The following LRP1B variants were observed in gnomAD, a reference collection of about 807,000 sequenced individuals.
LRP1B encodes low-density lipoprotein receptor-related protein 1B.
In LRP1B, 217 loss-of-function variants were observed where a neutral mutation model predicts 556.6. The ratio of observed to expected loss-of-function variants is 0.39; its 90% CI spans 0.35 to 0.44. The LOEUF (loss-of-function observed/expected upper bound fraction) is 0.44, where lower values mean the gene tolerates loss of function less well. Ranked by LOEUF, LRP1B falls within the 20% of genes least tolerant of loss-of-function variation. The pLI is 1.00. For synonymous variants in LRP1B, 2,047 were observed against 1,865.8 expected, an observed-to-expected ratio of 1.10 and a Z score of -2.50; for missense variants, 5,053 against 5,620.8, an observed-to-expected ratio of 0.90 and a Z score of 3.23.
Position 141,480,502 on chromosome 2 carries a change from C to A in LRP1B, c.237G>T (p.Leu79Phe), listed in dbSNP as rs1682878077. 6.2e-7 allele frequency: 1 copy of A among 1,613,824 alleles called. No homozygotes were observed. The highest frequency in any genetic ancestry group is 8.5e-7 in the Non-Finnish European group (1 of 1,179,930). The change falls in exon 3 of 91, where the codon TTG becomes TTT. Residue 79 changes from leucine to phenylalanine, a missense_variant. Leu to Phe is a conservative substitution (Grantham distance 22). This residue lies in a region of LRP1B where 3,619 missense variants were observed against 3,931.9 expected (regional missense o/e 0.92). Transcript: ENST00000389484. ...CPEEVEIKCP[L>F]NHIACLGTNK... The stretch of plus-strand genomic sequence containing the variant: ...TGGTACCAAGGCAAGCAATGTGATT[C>A]AAGGGGCACTTGATTTCTACCTCCT...
At chr2:141,228,594 T>TGTGC (rs1683344461) in intron 6 of LRP1B, among the ~76,000 whole-genome samples, 1 of 151,464 alleles carries the variant, frequency 6.6e-6, no homozygotes, top group Admixed American at 6.6e-5. Flanking sequence ...TGTGTGTGTG[T>TGTGC]GTGTGTGTGT....
rs2105182938 is a variant in LRP1B, at chr2:140,378,226, C to G, written c.10592G>C (p.Arg3531Thr). The G allele has an allele frequency of 6.2e-7, 1 of 1,613,800 alleles. No homozygotes were observed. Among genetic ancestry groups the G allele is most frequent in the Non-Finnish European group, 8.5e-7 (1 of 1,179,796 alleles). Residue 3531 changes from arginine to threonine, a missense_variant, in exon 68 of 91, where the codon AGG becomes ACG. Transcript: ENST00000389484. ...GTCAAAATCTCCATCACACCAAAACCTTGAAGAAACACAGTCCCCATTGGC... is the reference window on the plus strand; with the variant it reads ...GTCAAAATCTCCATCACACCAAAACGTTGAAGAAACACAGTCCCCATTGGC... ...LCANGDCVSS[R>T]FWCDGDFDCA...
intron 3 of LRP1B, among the ~76,000 whole-genome samples, chr2:141,463,582 T>TATATATTA (rs1405204222): frequency 2.6e-5 from 2 of 78,358 alleles, no homozygotes; most frequent in African/African-American, 1.1e-4. Context: ...TTATATATAA[T>TATATATTA]TATATATAAT....
chr2:141,716,248 A>G (rs1233513713), intron 2 of LRP1B, among the ~76,000 whole-genome samples: 1 of 152,238 alleles, frequency 6.6e-6, no homozygotes, highest in African/African-American at 2.4e-5. Flanking sequence ...TATAAAGGGC[A>G]TTAGAAACAC....
At chr2:141,923,677 T>G (rs1352116814) in intron 1 of LRP1B, among the ~76,000 whole-genome samples, 1 of 151,336 alleles carries the variant, frequency 6.6e-6, no homozygotes, top group Non-Finnish European at 1.5e-5. Context: ...AATTCATGAG[T>G]TAAGATCTCC....
intron 1 of LRP1B, among the ~76,000 whole-genome samples, chr2:141,857,188 T>C (rs1698080827): frequency 6.6e-6 from 1 of 152,144 alleles, no homozygotes; most frequent in South Asian, 2.1e-4. Flanking sequence ...AAAGTCAACC[T>C]TCATTATTTC....
At chr2:141,413,318 AC>A (rs1690925957) in intron 3 of LRP1B, among the ~76,000 whole-genome samples, 1 of 152,140 alleles carries the variant, frequency 6.6e-6, no homozygotes, top group South Asian at 2.1e-4. Context: ...GGAGAACATT[AC>A]CTAGCTGTGG....
intron 11 of LRP1B, among the ~76,000 whole-genome samples, chr2:141,045,119 G>A (rs10192832): frequency 0.79 from 106,494 of 134,430 alleles, 43,306 homozygotes; most frequent in East Asian, 0.91. Context: ...TGTCCTTTGT[G>A]GGGACATGGA....
intron 20 of LRP1B, among the ~76,000 whole-genome samples, chr2:140,947,816 T>C (rs902136007): frequency 1.3e-5 from 2 of 152,192 alleles, no homozygotes; most frequent in African/African-American, 4.8e-5. Context: ...TACAAATTAG[T>C]TCAAGAACTC....
At chr2:140,856,554 T>C (rs886768553) in intron 27 of LRP1B, among the ~76,000 whole-genome samples, 1 of 152,152 alleles carries the variant, frequency 6.6e-6, no homozygotes, top group Non-Finnish European at 1.5e-5. Flanking sequence ...ATGTTCTCCA[T>C]AGTAATTATT....
At chr2:141,204,077 C>T (rs993851326) in intron 6 of LRP1B, among the ~76,000 whole-genome samples, 11 of 152,062 alleles carry the variant, frequency 7.2e-5, no homozygotes, top group African/African-American at 2.7e-4. Context: ...CAAGAGAAAG[C>T]AGGAAAGATT....
At chr2:141,618,958 A>T (rs1688407132) in intron 2 of LRP1B, among the ~76,000 whole-genome samples, 1 of 152,208 alleles carries the variant, frequency 6.6e-6, no homozygotes, top group Non-Finnish European at 1.5e-5. Context: ...AAACTTACGG[A>T]GTTCAAGTGA....
At chr2:141,203,374 AAAAGAGTTGCAATCCT>A (rs1276300821) in intron 6 of LRP1B, among the ~76,000 whole-genome samples, 2 of 152,154 alleles carry the variant, frequency 1.3e-5, no homozygotes, top group Non-Finnish European at 2.9e-5. Flanking sequence ...AGGAAAAAAA[AAAAGAGTTGCAATCCT>A]AATCTGTGAT....
At chr2:141,237,353 G>GGTTTTT (rs398039112) in intron 5 of LRP1B, among the ~76,000 whole-genome samples, 3 of 93,636 alleles carry the variant, frequency 3.2e-5, no homozygotes, top group Admixed American at 9.6e-5. Context: ...GTGTTCTAGT[G>GGTTTTT]TTTTTTTTTT....
At chr2:141,318,729 C>T (rs1687120607) in intron 3 of LRP1B, among the ~76,000 whole-genome samples, 2 of 152,074 alleles carry the variant, frequency 1.3e-5, no homozygotes, top group South Asian at 2.1e-4. Context: ...CTGGGCTTGC[C>T]GAAATATTCT....
intron 2 of LRP1B, among the ~76,000 whole-genome samples, chr2:141,548,923 T>C (rs1685651042): frequency 6.6e-6 from 1 of 152,000 alleles, no homozygotes; most frequent in South Asian, 2.1e-4. Flanking sequence ...ATGAAATATC[T>C]GGTGTCTTTT....
chr2:141,097,951 T>TA (rs1190682106), intron 7 of LRP1B, among the ~76,000 whole-genome samples: 3 of 152,194 alleles, frequency 2.0e-5, no homozygotes, highest in African/African-American at 4.8e-5. Context: ...TAAATATTTT[T>TA]ATTTTAAAAA....
chr2:140,984,260 G>C (rs1573951265), intron 17 of LRP1B, among the ~76,000 whole-genome samples: 1 of 151,624 alleles, frequency 6.6e-6, no homozygotes, highest in Non-Finnish European at 1.5e-5. Context: ...TTCAATTCTT[G>C]TTTACTTCCT....
chr2:141,127,525 G>A (rs114689209), intron 7 of LRP1B, among the ~76,000 whole-genome samples: 1 of 152,302 alleles, frequency 6.6e-6, no homozygotes, highest in Non-Finnish European at 1.5e-5. Context: ...TAAGGGAAAT[G>A]TGGCACATAT....
Sources: gnomAD v4.1 joint callset for allele counts (sites outside exome capture counted in the v4.1 genomes callset) on GRCh38, gnomAD v4.1.1 for gene constraint, gnomAD v4.1.1 regional missense constraint, MANE v1.5 for transcripts, NCBI Gene and HGNC (gene_info 2026-07-23, HGNC 2026-07-21) for gene names.